LAMA5: variants seen among roughly 807,000 people sequenced by gnomAD.
LAMA5 encodes the protein laminin subunit alpha 5, also known as laminin subunit alpha-5.
In LAMA5, 260 loss-of-function variants were observed where a neutral mutation model predicts 433.4. The observed-to-expected ratio is 0.60, with a 90% CI of 0.54 to 0.66. LAMA5 has a LOEUF of 0.66. Ranked by LOEUF, LAMA5 falls within the 30% of genes least tolerant of loss-of-function variation. LAMA5 has a pLI of 0.00. For synonymous variants in LAMA5, 2,620 were observed against 2,226.6 expected, an observed-to-expected ratio of 1.18 and a Z score of -4.97; for missense variants, 5,378 against 5,258.5, an observed-to-expected ratio of 1.02 and a Z score of -0.70.
Position 62,367,093 on chromosome 20 carries a change from G to A in LAMA5, c.153C>T (p.Asn51=). 1.6e-6 allele frequency: 2 copies of A among 1,275,626 alleles called. No individual in the cohort carries two copies. The highest frequency in any genetic ancestry group is 2.0e-6 in the Non-Finnish European group (2 of 1,015,126). 79.0% of individuals were successfully genotyped at this position (1,275,626 alleles called of 1,614,324 possible). Residue 51 remains asparagine, a synonymous_variant, in exon 1 of 80, where the codon AAC becomes AAT. Transcript: ENST00000252999. The stretch of plus-strand genomic sequence containing the variant: ...CGGCGATGCGGGCGCCCTCGGCCAG[G>A]TTGAAGTAGGGCGGGTGCAGGCTGA... ...GGFSLHPPYF[N]LAEGARIAAS...
chr20:62,333,533 C>T (rs1980919703), intron 24 of LAMA5, 31 bp downstream of exon 24: 3 of 1,573,244 alleles, frequency 1.9e-6, no homozygotes, highest in Non-Finnish European at 2.6e-6. Flanking sequence ...CCTGACCCGG[C>T]CCCCAGCCCT....
chr20:62,351,642 G>C (rs1984303187), intron 6 of LAMA5, 62 bp downstream of exon 6: 2 of 1,526,698 alleles, frequency 1.3e-6, no homozygotes, highest in East Asian at 2.3e-5. Context: ...GGGGTGACAA[G>C]GACAGGCAGG....
chr20:62,330,987 C>T (rs533942882), intron 29 of LAMA5, 43 bp from the exon 30 acceptor site: 96 of 1,569,244 alleles, frequency 6.1e-5, no homozygotes, highest in African/African-American at 4.7e-4. Context: ...GCCCTGCCGC[C>T]GGGCCCTCGG....
chr20:62,311,291 C>G lies in LAMA5; in HGVS notation c.9959G>C (p.Arg3320Pro). The G allele has an allele frequency of 6.3e-7, 1 of 1,586,782 alleles. No homozygotes were observed. The highest frequency in any genetic ancestry group is 8.6e-7 in the Non-Finnish European group (1 of 1,169,162). ...GCAGGCAGGATGCCGGGCGGGCTGA[C>G]GGCTGCGGCGGGAGGCCTGGGGGCG... ...ATARKASRRS[R>P]QPARHPACML... Residue 3320 changes from arginine (R) to proline (P), a missense_variant, in exon 73 of 80, where the codon CGT (arginine) becomes CCT (proline). Physicochemically the swap from Arg to Pro is moderately radical, Grantham distance 103. Coordinates refer to ENST00000252999, the MANE Select transcript of LAMA5 (RefSeq NM_005560.6).
chr20:62,320,091 G>A (rs1987508556), intron 50 of LAMA5, among the ~76,000 whole-genome samples: 1 of 152,090 alleles, frequency 6.6e-6, no homozygotes, highest in African/African-American at 2.4e-5. Context: ...GGCTGAGATG[G>A]GCAGATCACC....
Position 62,320,549 on chromosome 20 carries a change from G to T in LAMA5, c.6759+10C>A. The T allele has an allele frequency of 6.3e-7, 1 of 1,581,184 alleles. No homozygotes were observed. Among genetic ancestry groups the T allele is most frequent in the Non-Finnish European group, 8.5e-7 (1 of 1,170,216 alleles). On this transcript the variant is annotated intron_variant, in intron 50 of 79. Coordinates refer to ENST00000252999, the MANE Select transcript of LAMA5 (RefSeq NM_005560.6). ...CCTCCCGGGGCCCTGGGGGGTCTTG[G>T]GGCTCCTGCCTGGCCGCCTAGCCGC... is the stretch of plus-strand genomic sequence containing the variant.
At chr20:62,336,582 G>T (rs1164789192) in intron 17 of LAMA5, 137 bp from the exon 18 acceptor site, 7 of 1,134,856 alleles carry the variant, frequency 6.2e-6, no homozygotes, top group Admixed American at 2.0e-5. Context: ...ACCTGCAGTG[G>T]GGGCAGAGGA....
intron 55 of LAMA5, 129 bp from the exon 56 acceptor site, chr20:62,317,152 C>T (rs546233307): frequency 4.5e-5 from 56 of 1,232,332 alleles, no homozygotes; most frequent in Admixed American, 6.0e-5. Context: ...GGTCTTTGCC[C>T]GTGCCTGTCG....
Position 62,353,164 on chromosome 20 carries a change from G to A in LAMA5, c.538C>T (p.Arg180Cys), listed in dbSNP as rs748223605. ...AAGAACTGCCAGGGCTGGTAGGTGC[G>A]GCCGAAGTCCATGGACCGCTCCAGC... The part of the protein sequence containing the change: ...WVLERSMDFG[R>C]TYQPWQFFAS... The change falls in exon 3 of 80, where the codon CGC becomes TGC. Residue 180 changes from arginine to cysteine, a missense_variant. Physicochemically the swap from Arg to Cys is radical, Grantham distance 180. Coordinates refer to ENST00000252999, the MANE Select transcript of LAMA5 (RefSeq NM_005560.6). The A allele has an allele frequency of 1.0e-5, 16 of 1,578,862 alleles. No individual in the cohort carries two copies. The highest frequency in any genetic ancestry group is 2.7e-5 in the African/African-American group (2 of 74,166).
In LAMA5 at chr20:62,312,326, G is replaced by A. The variant is rs1311991072; in HGVS notation, c.9361-10C>T. On this transcript the variant is annotated splice_polypyrimidine_tract_variant and intron_variant, in intron 68 of 79. Transcript: ENST00000252999. Reference sequence around the variant, plus strand: ...TCATGGCGCGCCCCACCTGCGGGGAGGCCATCCCTGAGTGCCCGCGGGTGC... The same window carrying A: ...TCATGGCGCGCCCCACCTGCGGGGAAGCCATCCCTGAGTGCCCGCGGGTGC... 1.2e-5 allele frequency: 19 copies of A among 1,607,378 alleles called. No homozygotes were observed. Among genetic ancestry groups the A allele is most frequent in the Middle Eastern group, 1.6e-4 (1 of 6,076 alleles).
At chr20:62,317,837 G>T in intron 53 of LAMA5, 59 bp from the exon 54 acceptor site, 2 of 826,874 alleles carry the variant, frequency 2.4e-6, no homozygotes. Flanking sequence ...TAAAGGATGT[G>T]ATGGGGTGGA....
In LAMA5 at chr20:62,310,189, T is replaced by A. The variant is rs200692830; in HGVS notation, c.10723A>T (p.Thr3575Ser). 9.9e-6 allele frequency: 16 copies of A among 1,612,462 alleles called. No individual in the cohort carries two copies. Among genetic ancestry groups the A allele is most frequent in the Non-Finnish European group, 1.4e-5 (16 of 1,179,946 alleles). ...TCTGCCAGGCTTACTTGCTTCTCGG[T>A]CACCTGCAACTGCAAGTAGGGGGGC... ...RTPPYLQLQVTEKQVLLRADD... is the reference protein window; with the variant it reads ...RTPPYLQLQVSEKQVLLRADD... The change falls in exon 77 of 80, where the codon ACC becomes TCC. Residue 3575 changes from threonine to serine, a missense_variant. Physicochemically the swap from Thr to Ser is moderately conservative, Grantham distance 58 (BLOSUM62 1). Transcript: ENST00000252999.
At chr20:62,350,194 CTTGGAGGCCCAT>C (rs1488340731) in intron 6 of LAMA5, among the ~76,000 whole-genome samples, 2 of 152,030 alleles carry the variant, frequency 1.3e-5, no homozygotes, top group African/African-American at 4.8e-5. Context: ...CCTTCCTCTC[CTTGGAGGCCCAT>C]TTGGCTGCCT....
chr20:62,333,348 C>T (rs370040846), intron 25 of LAMA5, 27 bp downstream of exon 25: 514 of 1,601,258 alleles, frequency 3.2e-4, no homozygotes, highest in Non-Finnish European at 4.1e-4. Context: ...GCCCCCACCC[C>T]GGTCCCACCG....
Position 62,311,114 on chromosome 20 carries a change from C to CA in LAMA5, c.10089-21dup. ...CTGGGCCTGGAAGCGGAGCTGGCGT[C>CA]AGCCTGCGCGGCCCCTCTCAGCCCA... On this transcript the variant is annotated intron_variant, in intron 73 of 79. Coordinates refer to ENST00000252999, the MANE Select transcript of LAMA5 (RefSeq NM_005560.6). 1 of 1,565,452 alleles carries CA rather than the reference C, an allele frequency of 6.4e-7. No homozygotes were observed.
Position 62,346,209 on chromosome 20 carries a change from T to C in LAMA5, c.1289A>G (p.Asn430Ser). The change falls in exon 10 of 80, where the codon AAC (asparagine) becomes AGC (serine). Residue 430 changes from asparagine to serine, a missense_variant. Asn to Ser is a conservative substitution (Grantham distance 46). Transcript: ENST00000252999. The part of the protein sequence containing the change: ...LDSPHVCRRC[N>S]CESDFTDGTC... The stretch of plus-strand genomic sequence containing the variant: ...GCCATCCGTGAAGTCGGACTCGCAG[T>C]TGCAGCCTGGGCAGGGGCAGGAGCC... The C allele has an allele frequency of 6.2e-7, 1 of 1,611,456 alleles. No individual in the cohort carries two copies. Among genetic ancestry groups the C allele is most frequent in the South Asian group, 1.1e-5 (1 of 90,798 alleles).
chr20:62,364,979 C>A (rs1362512989), intron 1 of LAMA5, among the ~76,000 whole-genome samples: 2 of 152,276 alleles, frequency 1.3e-5, no homozygotes, highest in East Asian at 3.8e-4. Flanking sequence ...GACCGGCCGG[C>A]AAGGACTTCT....
Position 62,334,005 on chromosome 20 carries a change from G to A in LAMA5, c.2774C>T (p.Pro925Leu). The stretch of plus-strand genomic sequence containing the variant: ...TCGGAAGACGAGCCAGAAAAGGTCA[G>A]GGGAGGTCAGGTTCAGCCTGGCCAC... Reference protein sequence around the residue: ...RIVARLNLTSPDLFWLVFRYV... With the variant: ...RIVARLNLTSLDLFWLVFRYV... Residue 925 changes from proline (P) to leucine (L), a missense_variant, in exon 23 of 80, where the codon CCT (proline) becomes CTT (leucine). Physicochemically the swap from Pro to Leu is moderately conservative, Grantham distance 98. Coordinates refer to ENST00000252999, the MANE Select transcript of LAMA5 (RefSeq NM_005560.6). The A allele has an allele frequency of 6.2e-7, 1 of 1,612,972 alleles. No individual in the cohort carries two copies.
At chr20:62,317,570 C>CTGCACGCAAGTG in intron 54 of LAMA5, 71 bp from the exon 55 acceptor site, 1 of 1,521,918 alleles carries the variant, frequency 6.6e-7, no homozygotes, top group South Asian at 1.3e-5. Flanking sequence ...AGGGCGGGCT[C>CTGCACGCAAGTG]TGCACGCAAG....
Sources: gnomAD v4.1 joint callset for allele counts (sites outside exome capture counted in the v4.1 genomes callset) on GRCh38, gnomAD v4.1.1 for gene constraint, MANE v1.5 for transcripts, NCBI Gene and HGNC (gene_info 2026-07-23, HGNC 2026-07-21) for gene names.